ZHX2: variants seen among roughly 807,000 people sequenced by gnomAD.
ZHX2 encodes zinc fingers and homeoboxes 2.
ZHX2 carries 6 observed loss-of-function variants against 21.9 expected under a neutral mutation model. The observed-to-expected ratio is 0.27, with a 90% CI of 0.15 to 0.54. The LOEUF (loss-of-function observed/expected upper bound fraction) is 0.54, where lower values mean the gene tolerates loss of function less well. Among genes scored for constraint, ZHX2 ranks in the 20% least tolerant of loss-of-function variants. ZHX2 has a pLI of 0.95. For synonymous variants in ZHX2, 434 were observed against 437.1 expected (o/e 0.99, Z 0.09); for missense variants, 908 against 1,090.7 (o/e 0.83, Z 2.36).
intron 2 of ZHX2, among the ~76,000 whole-genome samples, chr8:122,914,843 T>G (rs1484742248): frequency 6.6e-6 from 1 of 152,184 alleles, no homozygotes; most frequent in Non-Finnish European, 1.5e-5. Context: ...TTAAACTGCT[T>G]GGGGTGGCAT....
intron 2 of ZHX2, among the ~76,000 whole-genome samples, chr8:122,900,512 A>C (rs1356998313): frequency 6.6e-6 from 1 of 152,182 alleles, no homozygotes; most frequent in Non-Finnish European, 1.5e-5. Context: ...AGATTTCAAC[A>C]TGAGGTTTGG....
At chr8:122,906,779 T>C (rs886091311) in intron 2 of ZHX2, among the ~76,000 whole-genome samples, 6 of 150,664 alleles carry the variant, frequency 4.0e-5, no homozygotes, top group Non-Finnish European at 7.4e-5. Flanking sequence ...TAAGTGATTC[T>C]ACTGCCTCAG....
intron 1 of ZHX2, among the ~76,000 whole-genome samples, chr8:122,784,636 T>G (rs972800516): frequency 2.6e-5 from 4 of 152,244 alleles, no homozygotes; most frequent in Non-Finnish European, 4.4e-5. Context: ...TATTTATTCA[T>G]TCAGCAACTA....
At chr8:122,894,138 A>AGTGG (rs1820041915) in intron 2 of ZHX2, among the ~76,000 whole-genome samples, 2 of 152,244 alleles carry the variant, frequency 1.3e-5, no homozygotes, top group African/African-American at 4.8e-5. Context: ...TTGTGGAGAC[A>AGTGG]GTGGCATGGC....
rs182858491 is a variant in ZHX2, at chr8:122,935,406, C to T, written c.-219-15886C>T. Reference sequence around the variant, plus strand: ...ATTTGCAATGAACATAAAATTGTCACGGGTCGTCAGTGAGCCTCCCCGTTT... The same window carrying T: ...ATTTGCAATGAACATAAAATTGTCATGGGTCGTCAGTGAGCCTCCCCGTTT... On this transcript the variant is annotated intron_variant, in intron 2 of 3. Transcript: ENST00000314393. Among the ~76,000 whole-genome samples, 42 of 152,140 alleles carry T rather than the reference C, an allele frequency of 2.8e-4. No homozygotes were observed. The Middle Eastern group carries it at 0.01, about 37-fold the overall frequency.
chr8:122,953,293 A>G lies in ZHX2; in HGVS notation c.1783A>G (p.Met595Val), dbSNP rs1481124459. 2.5e-6 allele frequency: 4 copies of G among 1,614,088 alleles called. No individual in the cohort carries two copies. Among genetic ancestry groups the G allele is most frequent in the Non-Finnish European group, 3.4e-6 (4 of 1,180,018 alleles). The change falls in exon 3 of 4, where the codon ATG (methionine) becomes GTG (valine). Residue 595 changes from methionine (M) to valine (V), a missense_variant. By Grantham distance (21) the Met-to-Val change is conservative. Transcript: ENST00000314393. The surrounding 1 kb of genome is among the most constrained non-coding windows in gnomAD (Gnocchi z 4.6). ...CATGGAACAAGCTGTCTTGGATTCC[A>G]TGGGGTCTGGCAAAAAAGGCCAAGA... Reference protein sequence around the residue: ...DSMEQAVLDSMGSGKKGQDVG... With the variant: ...DSMEQAVLDSVGSGKKGQDVG...
chr8:122,833,543 T>C (rs182592279), intron 1 of ZHX2, among the ~76,000 whole-genome samples: 16 of 152,142 alleles, frequency 1.1e-4, no homozygotes, highest in African/African-American at 3.9e-4. Context: ...TTGCATGTTT[T>C]AAGGTGGGAG....
intron 2 of ZHX2, among the ~76,000 whole-genome samples, chr8:122,936,552 T>C (rs1054444692): frequency 2.0e-5 from 3 of 152,202 alleles, no homozygotes; most frequent in Admixed American, 6.5e-5. Context: ...ACTGCTGTTT[T>C]AGAAAGGAAT....
intron 2 of ZHX2, among the ~76,000 whole-genome samples, chr8:122,884,116 C>G (rs947269030): frequency 3.9e-5 from 6 of 152,144 alleles, no homozygotes; most frequent in African/African-American, 1.4e-4. Context: ...ACACTGCAGG[C>G]AACTGTAACA....
At chr8:122,968,023 A>C (rs941095743) in intron 3 of ZHX2, among the ~76,000 whole-genome samples, 3 of 151,874 alleles carry the variant, frequency 2.0e-5, no homozygotes, top group African/African-American at 7.3e-5. Flanking sequence ...TAGTTTCTTT[A>C]TTTAGGGCTG....
rs747503368 is a variant in ZHX2, at chr8:122,951,836, T to G, written c.326T>G (p.Leu109Arg). 2 of 1,614,000 alleles carry G rather than the reference T, an allele frequency of 1.2e-6. No individual in the cohort carries two copies. Among genetic ancestry groups the G allele is most frequent in the South Asian group, 2.2e-5 (2 of 91,052 alleles). Reference protein sequence around the residue: ...MQHPNVILNPLYVCAECNFTT... With the variant: ...MQHPNVILNPRYVCAECNFTT... ...CATCCCAACGTGATTCTCAACCCCCTCTACGTGTGTGCAGAATGTAACTTC... is the reference window on the plus strand; with the variant it reads ...CATCCCAACGTGATTCTCAACCCCCGCTACGTGTGTGCAGAATGTAACTTC... The change falls in exon 3 of 4, where the codon CTC becomes CGC. Residue 109 changes from leucine (L) to arginine (R), a missense_variant. Leu to Arg is a moderately radical substitution (Grantham distance 102). Coordinates refer to ENST00000314393, the MANE Select transcript of ZHX2 (RefSeq NM_014943.5).
chr8:122,879,103 T>C (rs1819638209), intron 2 of ZHX2, among the ~76,000 whole-genome samples: 1 of 152,226 alleles, frequency 6.6e-6, no homozygotes, highest in African/African-American at 2.4e-5. Context: ...AAGGTTAGCC[T>C]CGTGCCTCTC....
intron 1 of ZHX2, among the ~76,000 whole-genome samples, chr8:122,843,575 T>C (rs1207857515): frequency 1.3e-5 from 2 of 152,226 alleles, no homozygotes; most frequent in South Asian, 2.1e-4. Flanking sequence ...ACAGGGATTG[T>C]TGCATCTATA....
intron 2 of ZHX2, among the ~76,000 whole-genome samples, chr8:122,916,435 T>A (rs1200615689): frequency 6.6e-6 from 1 of 152,274 alleles, no homozygotes; most frequent in East Asian, 1.9e-4. Context: ...CCCTTTGCTT[T>A]GTGCCTTTCA....
intron 1 of ZHX2, among the ~76,000 whole-genome samples, chr8:122,827,128 T>C (rs1057502182): frequency 3.3e-5 from 5 of 152,152 alleles, no homozygotes; most frequent in Admixed American, 3.3e-4. Flanking sequence ...CAATTGATCC[T>C]CCCACCTCAG....
At chr8:122,930,559 T>TC (rs1820959743) in intron 2 of ZHX2, among the ~76,000 whole-genome samples, 1 of 151,578 alleles carries the variant, frequency 6.6e-6, no homozygotes, top group Admixed American at 6.6e-5. Context: ...TGAGAGAATT[T>TC]TTTTTTTTTT....
At chr8:122,870,266 G>T (rs1161496799) in intron 2 of ZHX2, among the ~76,000 whole-genome samples, 2 of 152,166 alleles carry the variant, frequency 1.3e-5, no homozygotes, top group Non-Finnish European at 2.9e-5. Context: ...GGAGCTGTTT[G>T]CAGGGAGCAA....
chr8:122,890,668 C>A (rs1819955732), intron 2 of ZHX2, among the ~76,000 whole-genome samples: 1 of 152,060 alleles, frequency 6.6e-6, no homozygotes, highest in African/African-American at 2.4e-5. Context: ...TTGTACAGAT[C>A]TTTCACATCC....
intron 1 of ZHX2, among the ~76,000 whole-genome samples, chr8:122,863,201 C>T (rs1464784990): frequency 3.3e-5 from 5 of 151,754 alleles, no homozygotes; most frequent in African/African-American, 1.2e-4. Context: ...TTTTGCCTTT[C>T]ATTTCGCTCT....
Sources: allele counts gnomAD v4.1 joint callset (sites outside exome capture counted in the v4.1 genomes callset), GRCh38; gene constraint gnomAD v4.1.1; non-coding constraint Gnocchi (gnomAD v3.1); transcripts MANE v1.5; gene names NCBI Gene and HGNC (gene_info 2026-07-23, HGNC 2026-07-21).